Variants in PCDH15 observed in about 807,000 individuals in gnomAD.
PCDH15 encodes protocadherin related 15.
PCDH15 carries 129 observed loss-of-function variants against 178.5 expected under a neutral mutation model. The ratio of observed to expected loss-of-function variants is 0.72; its 90% CI spans 0.63 to 0.84. The LOEUF (loss-of-function observed/expected upper bound fraction) is 0.84, where lower values mean the gene tolerates loss of function less well. Ranked by LOEUF, PCDH15 falls within the 40% of genes least tolerant of loss-of-function variation. The probability of loss-of-function intolerance (pLI) is 0.00; values close to 1 mark genes in which losing one functional copy is unlikely to be tolerated. For synonymous variants in PCDH15, 800 were observed against 732.0 expected, an observed-to-expected ratio of 1.09 and a Z score of -1.50; for missense variants, 2,230 against 2,099.9, an observed-to-expected ratio of 1.06 and a Z score of -1.21.
chr10:55,314,439 T>C (rs1293128391), intron 1 of PCDH15, among the ~76,000 whole-genome samples: 4 of 152,032 alleles, frequency 2.6e-5, no homozygotes, highest in South Asian at 4.1e-4. Context: ...CCTGAAACCC[T>C]GGCTCTCATC....
intron 2 of PCDH15, among the ~76,000 whole-genome samples, chr10:54,531,217 C>A (rs114108120): frequency 0.016 from 2,433 of 152,222 alleles, 60 homozygotes; most frequent in African/African-American, 0.054. Context: ...GGTTAAATCA[C>A]AAATTCATTG....
At chr10:53,946,125 G>T (rs866125781) in intron 23 of PCDH15, among the ~76,000 whole-genome samples, 2 of 152,024 alleles carry the variant, frequency 1.3e-5, no homozygotes, top group African/African-American at 4.8e-5. Context: ...TCTACAATGA[G>T]ATATCACCTC....
intron 3 of PCDH15, among the ~76,000 whole-genome samples, chr10:54,420,999 A>G (rs1955199745): frequency 6.6e-6 from 1 of 152,080 alleles, no homozygotes; most frequent in Non-Finnish European, 1.5e-5. Flanking sequence ...CTGGAATACC[A>G]CGAAAAAAGC....
chr10:54,855,964 AG>A (rs1030523550), intron 3 of PCDH15, among the ~76,000 whole-genome samples: 1 of 152,208 alleles, frequency 6.6e-6, no homozygotes, highest in Non-Finnish European at 1.5e-5. Flanking sequence ...CTTCCTACAA[AG>A]AGGGTGTTTT....
chr10:55,471,615 G>T (rs114516567), intron 2 of PCDH15, among the ~76,000 whole-genome samples: 1 of 152,184 alleles, frequency 6.6e-6, no homozygotes, highest in Non-Finnish European at 1.5e-5. Flanking sequence ...TGGCTAGTCT[G>T]GTCTCGAACT....
intron 2 of PCDH15, among the ~76,000 whole-genome samples, chr10:55,565,673 TA>T (rs1160337102): frequency 6.6e-6 from 1 of 151,614 alleles, no homozygotes; most frequent in Non-Finnish European, 1.5e-5. Context: ...CTATCAATTC[TA>T]CAGAAATAAA....
intron 10 of PCDH15, 40 bp from the exon 11 acceptor site, chr10:54,195,929 G>A (rs371974414): frequency 1.9e-6 from 3 of 1,567,600 alleles, no homozygotes; most frequent in Non-Finnish European, 2.6e-6. Context: ...GAAAGTATAT[G>A]TCGTGCTATC....
chr10:55,017,163 C>G (rs1840201331), intron 2 of PCDH15, among the ~76,000 whole-genome samples: 1 of 152,270 alleles, frequency 6.6e-6, no homozygotes, highest in South Asian at 2.1e-4. Context: ...TTTCAAAAGA[C>G]AGACAAATGT....
Position 54,099,513 on chromosome 10 carries a change from A to AAAATAT in PCDH15, c.1918-9451_1918-9450insATATTT, listed in dbSNP as rs1347306483. Among the ~76,000 whole-genome samples the AAAATAT allele has an allele frequency of 3.7e-3, 435 of 117,720 alleles. 2 individuals carry two copies. The highest frequency in any genetic ancestry group is 4.6e-3 in the Non-Finnish European group (283 of 61,344). 77.2% of individuals were successfully genotyped at this position (117,720 alleles called of 152,430 possible). A position where few individuals can be genotyped will look rare whatever the true frequency, so the allele number is the denominator to read the frequency against. Reference sequence around the variant, plus strand: ...GACTCCATCTCAAAAAAAAAAAAAAAATATATATATATATATATAAAACAA... The same window carrying AAAATAT: ...GACTCCATCTCAAAAAAAAAAAAAAAAAATATATATATATATATATATATAAAACAA... On this transcript the variant is annotated intron_variant, in intron 15 of 37. Transcript: ENST00000644397.
intron 35 of PCDH15, among the ~76,000 whole-genome samples, chr10:53,812,956 C>T (rs534954853): frequency 3.9e-5 from 6 of 152,214 alleles, no homozygotes; most frequent in African/African-American, 1.4e-4. Flanking sequence ...AAATTTACAG[C>T]CTGCATGATT....
intron 6 of PCDH15, among the ~76,000 whole-genome samples, chr10:54,339,540 G>T (rs958647999): frequency 3.9e-5 from 6 of 152,026 alleles, no homozygotes; most frequent in Admixed American, 2.0e-4. Context: ...TAAACAAAAG[G>T]TGACCAAATG....
chr10:55,401,452 C>A (rs1199200315), intron 2 of PCDH15, among the ~76,000 whole-genome samples: 1 of 151,966 alleles, frequency 6.6e-6, no homozygotes, highest in Non-Finnish European at 1.5e-5. Context: ...GTGTTGTGAT[C>A]CTGTCCACAG....
At chr10:55,508,790 T>C (rs1371032432) in intron 2 of PCDH15, among the ~76,000 whole-genome samples, 1 of 151,670 alleles carries the variant, frequency 6.6e-6, no homozygotes, top group Non-Finnish European at 1.5e-5. Context: ...ATAAAATTAA[T>C]AACTATAATA....
intron 32 of PCDH15, chr10:53,823,192 T>A (rs751509397): frequency 6.2e-7 from 1 of 1,613,980 alleles, no homozygotes; most frequent in African/African-American, 1.3e-5. Context: ...AATGTGAATT[T>A]TCTTGCAGAC....
intron 23 of PCDH15, among the ~76,000 whole-genome samples, chr10:53,946,056 CA>C (rs1180425158): frequency 6.6e-6 from 1 of 151,380 alleles, no homozygotes; most frequent in Non-Finnish European, 1.5e-5. Flanking sequence ...TACAAATGAC[CA>C]GTAAATATGT....
intron 2 of PCDH15, among the ~76,000 whole-genome samples, chr10:55,419,811 G>A (rs1838576041): frequency 6.6e-6 from 1 of 151,520 alleles, no homozygotes; most frequent in Non-Finnish European, 1.5e-5. Flanking sequence ...GGTCTGCAAA[G>A]ATTAAAATGT....
rs569283344 is a variant in PCDH15, at chr10:55,138,379, A to G, written c.-80+28197T>C. On this transcript the variant is annotated intron_variant, in intron 2 of 5. Coordinates refer to the PCDH15 transcript ENST00000458638. The stretch of plus-strand genomic sequence containing the variant: ...GTGTGATGAGAAATAGTTGTCAAGT[A>G]TAACAGGGGCCTTCTCTTCCCTTAT... Among the ~76,000 whole-genome samples the G allele has an allele frequency of 1.3e-4, 20 of 152,298 alleles. 1 individual carries two copies. Among genetic ancestry groups the G allele is most frequent in the Middle Eastern group, 3.4e-3 (1 of 294 alleles).
chr10:54,348,410 G>C (rs376087964), intron 5 of PCDH15, among the ~76,000 whole-genome samples: 31 of 152,220 alleles, frequency 2.0e-4, no homozygotes, highest in African/African-American at 6.7e-4. Context: ...GGGACCACTG[G>C]GGATAGATTT....
chr10:54,009,319 C>T (rs192432231), intron 20 of PCDH15, among the ~76,000 whole-genome samples: 2 of 151,580 alleles, frequency 1.3e-5, no homozygotes, highest in Non-Finnish European at 2.9e-5. Context: ...ATGTGGACCC[C>T]CGAGAAATAA....
Sources: gnomAD v4.1 joint callset for allele counts (sites outside exome capture counted in the v4.1 genomes callset) on GRCh38, gnomAD v4.1.1 for gene constraint, MANE v1.5 for transcripts, NCBI Gene and HGNC (gene_info 2026-07-23, HGNC 2026-07-21) for gene names.